The following THBS3 variants were observed in gnomAD, a reference collection of about 807,000 sequenced individuals.
THBS3 encodes thrombospondin 3.
A neutral mutation model predicts 118.3 loss-of-function variants in THBS3; 78 were observed. The ratio of observed to expected loss-of-function variants is 0.66; its 90% CI spans 0.55 to 0.80. The LOEUF is 0.80. Among genes scored for constraint, THBS3 ranks in the 30% least tolerant of loss-of-function variants. THBS3 has a pLI of 0.00. For synonymous variants in THBS3, 427 were observed against 475.3 expected (o/e 0.90, Z 1.32); for missense variants, 1,057 against 1,247.4 (o/e 0.85, Z 2.30).
Position 155,197,834 on chromosome 1 carries a change from G to C in THBS3, c.2302+46C>G. On this transcript the variant is annotated intron_variant, in intron 19 of 22. Coordinates refer to ENST00000368378, the MANE Select transcript of THBS3 (RefSeq NM_007112.5). The surrounding 1 kb of genome is among the most constrained non-coding windows in gnomAD (Gnocchi z 5.0). ...TCCTCCCCTACCCTCTGCCCCTATAGGATTCCTCCATTTGGAAGTGATTGA... is the reference window on the plus strand; with the variant it reads ...TCCTCCCCTACCCTCTGCCCCTATACGATTCCTCCATTTGGAAGTGATTGA... The C allele has an allele frequency of 6.2e-7, 1 of 1,613,170 alleles. No homozygotes were observed. The highest frequency in any genetic ancestry group is 8.5e-7 in the Non-Finnish European group (1 of 1,179,358).
intron 17 of THBS3, 72 bp from the exon 18 acceptor site, chr1:155,198,292 G>A (rs947894283): frequency 1.5e-5 from 24 of 1,593,806 alleles, no homozygotes; most frequent in Non-Finnish European, 2.1e-5. Flanking sequence ...CATCTGTTGG[G>A]CCTGCATTCC....
chr1:155,203,154 A>G lies in THBS3; in HGVS notation c.757-17T>C. ...TTCCTTCACCTGGAGAAGGATGGGG[A>G]GGAGTCAGCACTTGACATCTGCCAC... On this transcript the variant is annotated splice_polypyrimidine_tract_variant and intron_variant, in intron 6 of 22. Coordinates refer to ENST00000368378, the MANE Select transcript of THBS3 (RefSeq NM_007112.5). 2.5e-6 allele frequency: 4 copies of G among 1,614,184 alleles called. No homozygotes were observed. The highest frequency in any genetic ancestry group is 3.4e-6 in the Non-Finnish European group (4 of 1,180,028).
rs568196761 is a variant in THBS3, at chr1:155,202,247, C to G, written c.1098+14G>C. The G allele has an allele frequency of 1.2e-6, 2 of 1,612,532 alleles. No individual in the cohort carries two copies. The highest frequency in any genetic ancestry group is 3.3e-5 in the Admixed American group (2 of 59,902). ...GGCCAAGATCCCTTGTCCACACACACTACCCAGTCTGACCTGTTTGCTGGC... is the reference window on the plus strand; with the variant it reads ...GGCCAAGATCCCTTGTCCACACACAGTACCCAGTCTGACCTGTTTGCTGGC... On this transcript the variant is annotated intron_variant, in intron 9 of 22. Coordinates refer to ENST00000368378, the MANE Select transcript of THBS3 (RefSeq NM_007112.5). This position sits in a 1 kb window ranked among gnomAD's most constrained non-coding sequence, Gnocchi z 5.5.
upstream of THBS3, among the ~76,000 whole-genome samples, chr1:155,208,237 A>G (rs1273900848): frequency 1.3e-5 from 2 of 152,220 alleles, no homozygotes; most frequent in Non-Finnish European, 2.9e-5. Context: ...TGGCAGGGGC[A>G]GTGCTAGACA....
chr1:155,197,661 TGGGGTG>T lies in THBS3; in HGVS notation c.2303-8_2303-3del. On this transcript the variant is annotated splice_polypyrimidine_tract_variant and splice_region_variant and intron_variant, in intron 19 of 22. Transcript: ENST00000368378. This position sits in a 1 kb window ranked among gnomAD's most constrained non-coding sequence, Gnocchi z 5.0. ...CCACACCATTGAAGGCCGTGTATCC[TGGGGTG>T]GGGGTGGGATAAAGGTCAGGGGCAG... 8.7e-6 allele frequency: 5 copies of T among 575,774 alleles called. No individual in the cohort carries two copies. Among genetic ancestry groups the T allele is most frequent in the Non-Finnish European group, 1.1e-5 (4 of 353,590 alleles). The allele number at this position is 575,774 out of a possible 1,614,324, so 35.7% of individuals were successfully genotyped here. A position where few individuals can be genotyped will look rare whatever the true frequency, so the allele number is the denominator to read the frequency against.
At chr1:155,198,819 G>T in intron 16 of THBS3, 1 of 552,370 alleles carries the variant, frequency 1.8e-6, no homozygotes, top group African/African-American at 1.9e-5. Flanking sequence ...ATCATAGAAG[G>T]AATTTAGAAT....
Position 155,205,261 on chromosome 1 carries a change from T to C in THBS3, c.342A>G (p.Gln114=), listed in dbSNP as rs1670383077. ...DGKVHAVNLQ[Q]AGLADGRTHT... is the part of the protein sequence containing the mutation. The stretch of plus-strand genomic sequence containing the variant: ...GTGTGCGCCCATCAGCCAGGCCCGC[T>C]TGCTGTAGGTTCACGGCGTGGACTT... Residue 114 remains glutamine, a synonymous_variant, in exon 3 of 23, where the codon CAA becomes CAG. Coordinates refer to ENST00000368378, the MANE Select transcript of THBS3 (RefSeq NM_007112.5). 6.2e-7 allele frequency: 1 copy of C among 1,614,048 alleles called. No individual in the cohort carries two copies. The highest frequency in any genetic ancestry group is 8.5e-7 in the Non-Finnish European group (1 of 1,180,014).
chr1:155,201,698 G>T, intron 10 of THBS3, 129 bp from the exon 11 acceptor site: 1 of 1,128,996 alleles, frequency 8.9e-7, no homozygotes, highest in Non-Finnish European at 1.3e-6. Flanking sequence ...TCTCCTTTAG[G>T]TTATCATGAC....
In THBS3 at chr1:155,200,311, G is replaced by A. The variant is rs948758521; in HGVS notation, c.1708+140C>T. 5.9e-5 allele frequency: 67 copies of A among 1,130,270 alleles called. No homozygotes were observed. In the Admixed American group the frequency reaches 6.5e-4, roughly 11 times the overall value. The allele number at this position is 1,130,270 out of a possible 1,614,324, so 70.0% of individuals were successfully genotyped here. On this transcript the variant is annotated intron_variant, in intron 14 of 22. Coordinates refer to ENST00000368378, the MANE Select transcript of THBS3 (RefSeq NM_007112.5). Reference sequence around the variant, plus strand: ...CACATTCCTATTGACATCTGCTGCAGGTAATCTCTCCTCACCCAGGCCAAC... The same window carrying A: ...CACATTCCTATTGACATCTGCTGCAAGTAATCTCTCCTCACCCAGGCCAAC...
chr1:155,208,809 TGCTCGGGGGACCCCCCCGCAGTCCCC>T (rs781174422), upstream of THBS3: 1 of 1,549,292 alleles, frequency 6.5e-7, no homozygotes, highest in South Asian at 1.2e-5. Context: ...GAAAACATGC[TGCTCGGGGGACCCCCCCGCAGTCCCC>T]GCTCGGGGAC....
chr1:155,196,194 C>T, intron 21 of THBS3, 68 bp from the exon 22 acceptor site: 1 of 1,574,058 alleles, frequency 6.4e-7, no homozygotes, highest in Non-Finnish European at 8.7e-7. Flanking sequence ...TGCCACCATG[C>T]CTGGGGCCTT....
At chr1:155,201,698 G>A in intron 10 of THBS3, 129 bp from the exon 11 acceptor site, 1 of 1,128,996 alleles carries the variant, frequency 8.9e-7, no homozygotes, top group Non-Finnish European at 1.3e-6. Flanking sequence ...TCTCCTTTAG[G>A]TTATCATGAC....
chr1:155,208,182 T>C (rs960589616), upstream of THBS3, among the ~76,000 whole-genome samples: 1 of 151,962 alleles, frequency 6.6e-6, no homozygotes, highest in Non-Finnish European at 1.5e-5. Context: ...CGCTACCGAA[T>C]GCCACTGTTT....
chr1:155,206,372 C>G lies in THBS3; in HGVS notation c.114G>C (p.Gln38His), dbSNP rs1416366029. ...GGATCTTCTCTGCCACAGCTACCATCTGCCGAGACTCGCCCACAGTCAGCA... is the reference window on the plus strand; with the variant it reads ...GGATCTTCTCTGCCACAGCTACCATGTGCCGAGACTCGCCCACAGTCAGCA... ...IDLLTVGESR[Q>H]MVAVAEKIRT... The change falls in exon 2 of 23, where the codon CAG (glutamine) becomes CAC (histidine). Residue 38 changes from glutamine to histidine, a missense_variant. Around this residue, in one of 3 missense-constraint regions of THBS3, gnomAD observed 206 missense variants for 205.7 expected, o/e 1.00. Transcript: ENST00000368378. This position sits in a 1 kb window ranked among gnomAD's most constrained non-coding sequence, Gnocchi z 4.2. 1.2e-6 allele frequency: 2 copies of G among 1,614,186 alleles called. No homozygotes were observed. Among genetic ancestry groups the G allele is most frequent in the Non-Finnish European group, 1.7e-6 (2 of 1,180,042 alleles).
At position 155,204,872 on chromosome 1, in the gene THBS3, T is replaced by C; in HGVS notation, c.629A>G (p.Glu210Gly). The C allele has an allele frequency of 1.9e-6, 3 of 1,613,972 alleles. No individual in the cohort carries two copies. Among genetic ancestry groups the C allele is most frequent in the Non-Finnish European group, 2.5e-6 (3 of 1,180,010 alleles). The change falls in exon 4 of 23, where the codon GAG (glutamate) becomes GGG (glycine). Residue 210 changes from glutamate to glycine, a missense_variant. Glu to Gly is a moderately conservative substitution (Grantham distance 98). Coordinates refer to ENST00000368378, the MANE Select transcript of THBS3 (RefSeq NM_007112.5). ...ALSECPFQGD[E>G]SIHSAVTNAL... ...TGTGTTACCTGCACTGTGGATGGAC[T>C]CGTCCCCTTGGAATGGACACTCACT...
Position 155,200,575 on chromosome 1 carries a change from C to T in THBS3, c.1584G>A (p.Gln528=). 1 of 1,614,178 alleles carries T rather than the reference C, an allele frequency of 6.2e-7. No individual in the cohort carries two copies. The highest frequency in any genetic ancestry group is 8.5e-7 in the Non-Finnish European group (1 of 1,180,032). ...NCRLFPNKDQ[Q]NSDTDSFGDA... is the part of the protein sequence containing the mutation. ...CACCAAATGAATCTGTATCTGAGTT[C>T]TGCTGGTCTTTGTTGGGGAACAGCC... The change falls in exon 14 of 23, where the codon CAG becomes CAA. Residue 528 remains glutamine, a synonymous_variant. Coordinates refer to ENST00000368378, the MANE Select transcript of THBS3 (RefSeq NM_007112.5).
Position 155,202,234 on chromosome 1 carries a change from T to G in THBS3, c.1098+27A>C, listed in dbSNP as rs41264919. 0.017 allele frequency: 26,955 copies of G among 1,609,442 alleles called. 276 individuals carry two copies. Among genetic ancestry groups the G allele is most frequent in the Non-Finnish European group, 0.021 (24,180 of 1,177,042 alleles). ...CTGGCCTCTACAAGGCCAAGATCCC[T>G]TGTCCACACACACTACCCAGTCTGA... On this transcript the variant is annotated intron_variant, in intron 9 of 22. Transcript: ENST00000368378. This position sits in a 1 kb window ranked among gnomAD's most constrained non-coding sequence, Gnocchi z 5.5.
In THBS3 at chr1:155,202,425, A is replaced by G. The variant is rs1452387026; in HGVS notation, c.958-24T>C. On this transcript the variant is annotated intron_variant, in intron 8 of 22. Transcript: ENST00000368378. The surrounding 1 kb of genome is among the most constrained non-coding windows in gnomAD (Gnocchi z 5.5). ...CACTGGGGACCAGATGAGAAGGCAG[A>G]GGTCAGGCCGCCCTCTGGGAAACTC... 2 of 1,611,342 alleles carry G rather than the reference A, an allele frequency of 1.2e-6. No homozygotes were observed. Among genetic ancestry groups the G allele is most frequent in the Non-Finnish European group, 1.7e-6 (2 of 1,178,912 alleles).
Position 155,206,252 on chromosome 1 carries a change from G to A in THBS3, c.234C>T (p.Arg78=). ...QGGVLFGLYS[R]QDNTRWLEAS... is the part of the protein sequence containing the mutation. ...CCTCCAGCCATCGAGTGTTGTCTTG[G>A]CGAGAATAGAGGCCAAAGAGGACAC... The change falls in exon 2 of 23, where the codon CGC becomes CGT. Residue 78 remains arginine (R), a synonymous_variant. Coordinates refer to ENST00000368378, the MANE Select transcript of THBS3 (RefSeq NM_007112.5). This position sits in a 1 kb window ranked among gnomAD's most constrained non-coding sequence, Gnocchi z 4.2. The A allele has an allele frequency of 1.2e-6, 2 of 1,614,122 alleles. No individual in the cohort carries two copies. The highest frequency in any genetic ancestry group is 1.7e-6 in the Non-Finnish European group (2 of 1,180,028).
Sources: allele counts gnomAD v4.1 joint callset (sites outside exome capture counted in the v4.1 genomes callset), GRCh38; gene constraint gnomAD v4.1.1; regional missense constraint gnomAD v4.1.1; non-coding constraint Gnocchi (gnomAD v3.1); transcripts MANE v1.5; gene names NCBI Gene and HGNC (gene_info 2026-07-23, HGNC 2026-07-21).